Variants in MIA2 observed in about 807,000 individuals in gnomAD.
The protein encoded by MIA2 is melanoma inhibitory activity protein 2.
MIA2 carries 127 observed loss-of-function variants against 167.8 expected under a neutral mutation model. The ratio of observed to expected loss-of-function variants is 0.76; its 90% CI spans 0.66 to 0.88. The LOEUF (loss-of-function observed/expected upper bound fraction) is 0.88. MIA2 is among the 40% of genes least tolerant of loss of function. MIA2 has a pLI of 0.00. For missense variants in MIA2, 1,690 were observed against 1,624.7 expected, an observed-to-expected ratio of 1.04 and a Z score of -0.69; for synonymous variants, 552 against 541.9, an observed-to-expected ratio of 1.02 and a Z score of -0.26.
intron 1 of MIA2, among the ~76,000 whole-genome samples, chr14:39,235,867 T>C (rs941349447): frequency 6.6e-6 from 1 of 152,138 alleles, no homozygotes; most frequent in African/African-American, 2.4e-5. Flanking sequence ...ATATAGAACA[T>C]GAAAAGGGAA....
chr14:39,245,841 C>T (rs576667568), intron 3 of MIA2, among the ~76,000 whole-genome samples: 1 of 152,210 alleles, frequency 6.6e-6, no homozygotes, highest in African/African-American at 2.4e-5. Context: ...TCTCACCAGG[C>T]CTCACCTGTC....
chr14:39,384,617 A>T (rs930703528), intron 23 of MIA2, among the ~76,000 whole-genome samples: 1 of 152,260 alleles, frequency 6.6e-6, no homozygotes. Context: ...TGGCCATTTT[A>T]GCTTTGTAGT....
chr14:39,256,792 C>T (rs2054835012), intron 6 of MIA2, among the ~76,000 whole-genome samples: 1 of 151,898 alleles, frequency 6.6e-6, no homozygotes, highest in African/African-American at 2.4e-5. Context: ...AAATATAGAA[C>T]AAGCCAAGAG....
chr14:39,331,600 T>A (rs907557015), intron 25 of MIA2, among the ~76,000 whole-genome samples: 1 of 152,212 alleles, frequency 6.6e-6, no homozygotes, highest in Non-Finnish European at 1.5e-5. Flanking sequence ...GGTAGCGGTT[T>A]TTCCCTTCCA....
Position 39,250,551 on chromosome 14 carries a change from C to T in MIA2, c.1568-2197C>T, listed in dbSNP as rs1407650994. 1.3e-5 allele frequency among the ~76,000 whole-genome samples: 2 copies of T among 151,890 alleles called. 1 individual carries two copies. The highest frequency in any genetic ancestry group is 4.8e-5 in the African/African-American group (2 of 41,370). ...TCTCTACTAAAAATAGAAAAATTAG[C>T]TGGGCATGGTGGTGTGCCCCTGTAA... On this transcript the variant is annotated intron_variant, in intron 4 of 28. Transcript: ENST00000640607.
At chr14:39,260,820 C>T (rs1391911539) in intron 6 of MIA2, among the ~76,000 whole-genome samples, 1 of 152,096 alleles carries the variant, frequency 6.6e-6, no homozygotes, top group East Asian at 1.9e-4. Flanking sequence ...AGGTTTTCTT[C>T]TAGGGTTTTT....
intron 23 of MIA2, among the ~76,000 whole-genome samples, chr14:39,381,673 T>TTC (rs1209283771): frequency 7.0e-6 from 1 of 142,044 alleles, no homozygotes; most frequent in African/African-American, 2.7e-5. Context: ...GGCTGTTTTT[T>TTC]TTTTTCTTTT....
At chr14:39,261,742 G>A (rs1467553373) in intron 6 of MIA2, among the ~76,000 whole-genome samples, 1 of 152,184 alleles carries the variant, frequency 6.6e-6, no homozygotes, top group Non-Finnish European at 1.5e-5. Context: ...GATGGCCAGT[G>A]ATGATGAGCA....
intron 9 of MIA2, among the ~76,000 whole-genome samples, chr14:39,280,688 T>C (rs754588427): frequency 3.3e-5 from 5 of 152,030 alleles, no homozygotes; most frequent in Admixed American, 6.6e-5. Flanking sequence ...GCCGAGATTG[T>C]GCCACTGCAC....
Position 39,313,420 on chromosome 14 carries a change from C to T in MIA2, c.3098C>T (p.Thr1033Ile). The stretch of plus-strand genomic sequence containing the variant: ...GTAGATGAAAAGATCAGCCATGCCA[C>T]TGAAGAGCTGGAGACCTATAGGTAT... ...SKVDEKISHA[T>I]EELETYRKRA... is the part of the protein sequence containing the mutation. The change falls in exon 19 of 29, where the codon ACT becomes ATT. Residue 1033 changes from threonine to isoleucine, a missense_variant. Transcript: ENST00000640607. 1 of 1,601,094 alleles carries T rather than the reference C, an allele frequency of 6.2e-7. No individual in the cohort carries two copies. Among genetic ancestry groups the T allele is most frequent in the Non-Finnish European group, 8.5e-7 (1 of 1,173,332 alleles).
chr14:39,240,653 T>C lies in MIA2; in HGVS notation c.336+6T>C. Reference sequence around the variant, plus strand: ...AAATTCAGATGTCAACGAAAGTGAGTAAACTCATTCTCAGTTGTTAATTGA... The same window carrying C: ...AAATTCAGATGTCAACGAAAGTGAGCAAACTCATTCTCAGTTGTTAATTGA... On this transcript the variant is annotated splice_donor_region_variant and intron_variant, in intron 3 of 28. Transcript: ENST00000640607. 2 of 1,595,266 alleles carry C rather than the reference T, an allele frequency of 1.3e-6. No homozygotes were observed. The highest frequency in any genetic ancestry group is 1.7e-6 in the Non-Finnish European group (2 of 1,163,852).
chr14:39,342,015 T>G (rs558185914), intron 25 of MIA2, among the ~76,000 whole-genome samples: 1 of 152,120 alleles, frequency 6.6e-6, no homozygotes, highest in South Asian at 2.1e-4. Flanking sequence ...AAATTGAGAT[T>G]TAAAAAAAAA....
At chr14:39,363,515 C>T (rs865791839) in intron 23 of MIA2, among the ~76,000 whole-genome samples, 1 of 152,122 alleles carries the variant, frequency 6.6e-6, no homozygotes, top group African/African-American at 2.4e-5. Flanking sequence ...GGTGACACAG[C>T]GAGACCCTGT....
At chr14:39,245,275 T>G (rs1248144055) in intron 3 of MIA2, among the ~76,000 whole-genome samples, 1 of 152,100 alleles carries the variant, frequency 6.6e-6, no homozygotes, top group Non-Finnish European at 1.5e-5. Context: ...TTTCATGCTT[T>G]AGAGCAGAGG....
rs749470348 is a variant in MIA2, at chr14:39,317,993, A to G, written c.3266A>G (p.Asn1089Ser). The change falls in exon 22 of 29, where the codon AAT becomes AGT. Residue 1089 changes from asparagine to serine, a missense_variant. Asn to Ser is a conservative substitution (Grantham distance 46). Coordinates refer to ENST00000640607, the MANE Select transcript of MIA2 (RefSeq NM_001329214.4). ...AACCTCAATGATTTAAGGAAAGAAA[A>G]TGCTCACAACAGACAAAAGTAAGTA... Reference protein sequence around the residue: ...ERNLNDLRKENAHNRQKLTET... With the variant: ...ERNLNDLRKESAHNRQKLTET... 3.2e-6 allele frequency: 5 copies of G among 1,583,674 alleles called. No individual in the cohort carries two copies. Among genetic ancestry groups the G allele is most frequent in the African/African-American group, 1.4e-5 (1 of 73,292 alleles).
At chr14:39,269,081 T>TTTTTTTTTTC in intron 6 of MIA2, 1 of 809,784 alleles carries the variant, frequency 1.2e-6, no homozygotes, top group Non-Finnish European at 1.4e-6. Flanking sequence ...ACAGTTTTTT[T>TTTTTTTTTTC]TTTTTTTTTT....
chr14:39,276,916 C>G lies in MIA2; in HGVS notation c.1888-18C>G. ...CCAAAAGTACATTTTTAAGAACTTA[C>G]TTTTCTTTATCTTGAAGGTTGTGGC... On this transcript the variant is annotated intron_variant, in intron 6 of 28. Coordinates refer to ENST00000640607, the MANE Select transcript of MIA2 (RefSeq NM_001329214.4). 6.2e-7 allele frequency: 1 copy of G among 1,604,950 alleles called. No individual in the cohort carries two copies. Among genetic ancestry groups the G allele is most frequent in the Non-Finnish European group, 8.5e-7 (1 of 1,177,858 alleles).
intron 23 of MIA2, among the ~76,000 whole-genome samples, chr14:39,365,650 C>CCTATCTATCTAT (rs3065047): frequency 2.7e-5 from 4 of 147,872 alleles, no homozygotes; most frequent in Admixed American, 6.8e-5. Context: ...TTTAAAAATA[C>CCTATCTATCTAT]CTATCTATCT....
rs765953334 is a variant in MIA2, at chr14:39,350,172, C to T, written c.4147C>T (p.His1383Tyr). 6.9e-7 allele frequency: 1 copy of T among 1,448,452 alleles called. No individual in the cohort carries two copies. The highest frequency in any genetic ancestry group is 9.4e-7 in the Non-Finnish European group (1 of 1,061,088). 89.7% of individuals were successfully genotyped at this position (1,448,452 alleles called of 1,614,324 possible). ...PRPGFFPPPP[H>Y]SEGRSEFPSG... ...ACCTGGATTTTTCCCCCCACCCCCA[C>T]ATTCTGAAGGTAGAAGTGAGTTCCC... The change falls in exon 29 of 29, where the codon CAT (histidine) becomes TAT (tyrosine). Residue 1383 changes from histidine (H) to tyrosine (Y), a missense_variant. By Grantham distance (83) the His-to-Tyr change is moderately conservative. Coordinates refer to ENST00000640607, the MANE Select transcript of MIA2 (RefSeq NM_001329214.4).
Sources: allele counts gnomAD v4.1 joint callset (sites outside exome capture counted in the v4.1 genomes callset), GRCh38; gene constraint gnomAD v4.1.1; transcripts MANE v1.5; gene names NCBI Gene and HGNC (gene_info 2026-07-23, HGNC 2026-07-21).